IL1RAPL1: variants seen among roughly 807,000 people sequenced by gnomAD.
IL1RAPL1 encodes the protein interleukin 1 receptor accessory protein like 1, also known as interleukin-1 receptor accessory protein-like 1.
A neutral mutation model predicts 48.4 loss-of-function variants in IL1RAPL1; 3 were observed. That is an observed-to-expected ratio of 0.06 (90% CI 0.03 to 0.16). The LOEUF (loss-of-function observed/expected upper bound fraction) is 0.16. Ranked by LOEUF, IL1RAPL1 falls within the 10% of genes least tolerant of loss-of-function variation. The pLI is 1.00. For synonymous variants in IL1RAPL1, 185 were observed against 187.7 expected (o/e 0.99, Z 0.12); for missense variants, 349 against 530.6 (o/e 0.66, Z 3.36).
chrX:29,857,017 G>A (rs1163966932), intron 6 of IL1RAPL1, among the ~76,000 whole-genome samples: 1 of 111,209 alleles, frequency 9.0e-6, no homozygotes, highest in Admixed American at 9.6e-5. Flanking sequence ...GTCTGCAATG[G>A]CATAGTTTCA....
chrX:29,283,257 A>G (rs779690114), intron 3 of IL1RAPL1, 40 bp downstream of exon 3: 1 of 1,175,532 alleles, frequency 8.5e-7, no homozygotes, highest in Non-Finnish European at 1.2e-6. Context: ...CAAAGAAAGC[A>G]CAGGCTGCTT....
chrX:28,849,696 G>A (rs1208587851), intron 2 of IL1RAPL1, among the ~76,000 whole-genome samples: 1 of 111,680 alleles, frequency 9.0e-6, no homozygotes, highest in Admixed American at 9.5e-5. Context: ...CAGTATCAAA[G>A]CAAAATGGAA....
chrX:29,930,766 A>T (rs1382329353), intron 8 of IL1RAPL1, among the ~76,000 whole-genome samples: 1 of 111,720 alleles, frequency 9.0e-6, no homozygotes. Flanking sequence ...AGTATATTGA[A>T]ATCTATTTGC....
intron 6 of IL1RAPL1, among the ~76,000 whole-genome samples, chrX:29,889,655 C>T (rs141747779): frequency 5.1e-3 from 567 of 111,177 alleles, no homozygotes; most frequent in African/African-American, 0.018. Context: ...TGTATATGTG[C>T]GTATTTCTAT....
intron 2 of IL1RAPL1, among the ~76,000 whole-genome samples, chrX:29,072,350 A>G (rs2147441455): frequency 8.9e-6 from 1 of 111,987 alleles, no homozygotes; most frequent in Admixed American, 9.5e-5. Context: ...TTCACTCATA[A>G]ATGAAGAAAG....
At chrX:28,831,026 C>CTCTCTGTGTGTG (rs1438889606) in intron 2 of IL1RAPL1, among the ~76,000 whole-genome samples, 3 of 33,644 alleles carry the variant, frequency 8.9e-5, no homozygotes, top group Non-Finnish European at 1.5e-4. Flanking sequence ...CTCTCTCTCT[C>CTCTCTGTGTGTG]TGTGTGTGTG....
intron 5 of IL1RAPL1, among the ~76,000 whole-genome samples, chrX:29,507,239 C>A (rs1469092255): frequency 9.8e-6 from 1 of 101,534 alleles, no homozygotes; most frequent in Non-Finnish European, 2.0e-5. Flanking sequence ...TTTATTTTTT[C>A]TTTCTTTCTT....
At chrX:29,407,626 A>G (rs1038626010) in intron 5 of IL1RAPL1, among the ~76,000 whole-genome samples, 1 of 112,053 alleles carries the variant, frequency 8.9e-6, no homozygotes, top group African/African-American at 3.2e-5. Flanking sequence ...ATTTCCTTGA[A>G]CATATAAGCA....
chrX:29,301,647 C>T (rs1456550336), intron 3 of IL1RAPL1, among the ~76,000 whole-genome samples: 2 of 111,800 alleles, frequency 1.8e-5, no homozygotes, highest in Non-Finnish European at 3.8e-5. Context: ...CGAACATCTA[C>T]TACACATCAG....
chrX:29,750,226 A>T (rs1928426519), intron 6 of IL1RAPL1, among the ~76,000 whole-genome samples: 1 of 112,268 alleles, frequency 8.9e-6, no homozygotes, highest in Non-Finnish European at 1.9e-5. Flanking sequence ...TAAGAGGCAG[A>T]TGGTAAATTG....
chrX:29,039,699 T>G (rs1396934992), intron 2 of IL1RAPL1, among the ~76,000 whole-genome samples: 3 of 103,284 alleles, frequency 2.9e-5, no homozygotes, highest in African/African-American at 1.1e-4. Flanking sequence ...TTAAGGAGGA[T>G]AAGCTATGAG....
At chrX:29,573,326 A>C (rs1922653510) in intron 5 of IL1RAPL1, among the ~76,000 whole-genome samples, 1 of 112,794 alleles carries the variant, frequency 8.9e-6, no homozygotes, top group Admixed American at 9.4e-5. Flanking sequence ...TGAAAAGGAA[A>C]GTAGGAATAC....
intron 5 of IL1RAPL1, among the ~76,000 whole-genome samples, chrX:29,565,578 A>C (rs765501145): frequency 1.8e-5 from 2 of 112,443 alleles, no homozygotes; most frequent in East Asian, 5.6e-4. Context: ...AATGTCAATT[A>C]AATATATATG....
intron 2 of IL1RAPL1, among the ~76,000 whole-genome samples, chrX:29,113,062 C>T (rs985864695): frequency 9.0e-6 from 1 of 111,353 alleles, no homozygotes; most frequent in Non-Finnish European, 1.9e-5. Flanking sequence ...CCTCCCACCT[C>T]GGCCTCCCAA....
At chrX:28,898,189 T>A (rs780396468) in intron 2 of IL1RAPL1, among the ~76,000 whole-genome samples, 1 of 111,968 alleles carries the variant, frequency 8.9e-6, no homozygotes, top group Admixed American at 9.4e-5. Flanking sequence ...ATACATATGA[T>A]TTGAAAGTAT....
intron 6 of IL1RAPL1, among the ~76,000 whole-genome samples, chrX:29,828,556 G>A (rs996116591): frequency 4.5e-5 from 5 of 112,104 alleles, no homozygotes; most frequent in Admixed American, 1.9e-4. Flanking sequence ...AAGATTTGGT[G>A]TCTGAGGAAC....
At chrX:29,719,912 T>C (rs955349774) in intron 6 of IL1RAPL1, among the ~76,000 whole-genome samples, 5 of 111,269 alleles carry the variant, frequency 4.5e-5, no homozygotes, top group Non-Finnish European at 7.5e-5. Context: ...TTCTGCTTTC[T>C]GTCTTCTTGA....
chrX:29,939,224 G>GT (rs1157487230), intron 8 of IL1RAPL1, among the ~76,000 whole-genome samples: 1 of 112,036 alleles, frequency 8.9e-6, no homozygotes, highest in Non-Finnish European at 1.9e-5. Flanking sequence ...GAAGCTAAGT[G>GT]TTCTTGATTC....
intron 1 of IL1RAPL1, among the ~76,000 whole-genome samples, chrX:28,616,496 C>T (rs1186007336): frequency 3.7e-4 from 41 of 109,713 alleles, no homozygotes; most frequent in East Asian, 2.9e-4. Flanking sequence ...TGCAATGGCA[C>T]GATCTCGGCT....
Sources: gnomAD v4.1 joint callset for allele counts (sites outside exome capture counted in the v4.1 genomes callset) on GRCh38, gnomAD v4.1.1 for gene constraint, MANE v1.5 for transcripts, NCBI Gene and HGNC (gene_info 2026-07-23, HGNC 2026-07-21) for gene names.